TUB: variants seen among roughly 807,000 people sequenced by gnomAD.
The protein encoded by TUB is tubby protein homolog.
A neutral mutation model predicts 59.7 loss-of-function variants in TUB; 33 were observed. The observed-to-expected ratio is 0.55, with a 90% confidence interval of 0.42 to 0.74. The LOEUF (loss-of-function observed/expected upper bound fraction) is 0.74. Ranked by LOEUF, TUB falls within the 30% of genes least tolerant of loss-of-function variation. The pLI, the probability that TUB is intolerant of heterozygous loss-of-function variation, is 0.00. For synonymous variants in TUB, 293 were observed against 256.4 expected (o/e 1.14, Z -1.36); for missense variants, 659 against 672.0 (o/e 0.98, Z 0.21).
At chr11:8,034,713 A>G (rs545004218), upstream of TUB, among the ~76,000 whole-genome samples, 1 of 152,278 alleles carries the variant, frequency 6.6e-6, no homozygotes, top group Non-Finnish European at 1.5e-5. Context: ...GCTCCCAGTC[A>G]TGCAAACTTG....
intron 6 of TUB, 64 bp downstream of exon 6, chr11:8,096,870 T>C: frequency 1.3e-6 from 2 of 1,579,320 alleles, no homozygotes; most frequent in Non-Finnish European, 1.7e-6. Flanking sequence ...AGAGGTGGAC[T>C]GCATGTGAAG....
chr11:8,053,587 G>A (rs1298001553), intron 2 of TUB, among the ~76,000 whole-genome samples: 3 of 151,490 alleles, frequency 2.0e-5, no homozygotes, highest in Non-Finnish European at 4.4e-5. Context: ...TGCAAGCTCC[G>A]CCTCCTGAGT....
chr11:8,100,101 G>A (rs1437650936), intron 9 of TUB, among the ~76,000 whole-genome samples: 1 of 152,186 alleles, frequency 6.6e-6, no homozygotes, highest in Non-Finnish European at 1.5e-5. Flanking sequence ...GAAACCAGGA[G>A]TCCAGGCAAA....
intron 1 of TUB, among the ~76,000 whole-genome samples, chr11:8,026,769 C>T (rs1176034332): frequency 6.6e-6 from 1 of 152,130 alleles, no homozygotes; most frequent in Admixed American, 6.5e-5. Context: ...ATCAGTTTTT[C>T]AAGTTCTAAC....
chr11:8,095,772 A>C (rs1943965718), intron 5 of TUB, 107 bp downstream of exon 5: 14 of 1,242,700 alleles, frequency 1.1e-5, no homozygotes, highest in Non-Finnish European at 1.6e-5. Context: ...CCTCCCTGGC[A>C]ATGGTGGGTG....
intron 2 of TUB, among the ~76,000 whole-genome samples, chr11:8,070,316 ATCT>A (rs1434156249): frequency 5.3e-5 from 8 of 152,158 alleles, no homozygotes; most frequent in Middle Eastern, 3.4e-3. Flanking sequence ...GCATTTTATA[ATCT>A]TCTTTATATG....
In TUB at chr11:8,032,125, C is replaced by CGCCTGGGGAAAG. The variant is rs1361374483; in HGVS notation, c.56+12783_56+12794dup. Among the ~76,000 whole-genome samples the CGCCTGGGGAAAG allele has an allele frequency of 6.6e-5, 10 of 151,718 alleles. No homozygotes were observed. In the South Asian group the frequency reaches 8.3e-4, roughly 13 times the overall value. ...GTCCCGCCTGGGGAAAGGCCGGGAG[C>CGCCTGGGGAAAG]GCCTGGGGAAAGGCCTGGGGAAAGG... is the stretch of plus-strand genomic sequence containing the variant. On this transcript the variant is annotated intron_variant, in intron 1 of 11. Transcript: ENST00000534099.
intron 2 of TUB, among the ~76,000 whole-genome samples, chr11:8,063,991 C>T (rs1455982666): frequency 6.6e-6 from 1 of 152,126 alleles, no homozygotes; most frequent in Non-Finnish European, 1.5e-5. Context: ...CTCTGAAGGA[C>T]TTTGAGAACC....
upstream of TUB, chr11:8,076,415 C>G (rs1259851943): frequency 6.6e-6 from 1 of 152,246 alleles, no homozygotes; most frequent in African/African-American, 2.4e-5. Flanking sequence ...GAAATTCATT[C>G]TAAACCTCCA....
chr11:8,092,105 C>T (rs867815550), intron 3 of TUB, among the ~76,000 whole-genome samples: 1 of 152,226 alleles, frequency 6.6e-6, no homozygotes, highest in Non-Finnish European at 1.5e-5. Flanking sequence ...ATCAGAAAGA[C>T]TGTGGTACAA....
At chr11:8,067,450 A>G (rs529556924) in intron 2 of TUB, 6 of 152,322 alleles carry the variant, frequency 3.9e-5, no homozygotes, top group African/African-American at 1.4e-4. Context: ...ATGGGACCCT[A>G]TATGCTGTTA....
At chr11:8,072,301 G>C (rs1048069428) in intron 2 of TUB, among the ~76,000 whole-genome samples, 6 of 152,144 alleles carry the variant, frequency 3.9e-5, no homozygotes, top group African/African-American at 1.2e-4. Context: ...AGAGGGGGAA[G>C]GGACCCTCTC....
At position 8,104,443 on chromosome 11, in the gene TUB, CGTCTGTGT is replaced by C. The variant is rs1295159305; in HGVS notation, c.*2827_*2834del. ...CCGTCTGTGTATGTGTGTGTCTGTG[CGTCTGTGT>C]GTTTATTTGGGGAAAAGGGCAATCA... On this transcript the variant is annotated 3_prime_UTR_variant, in exon 12 of 12. Coordinates refer to ENST00000299506, the MANE Select transcript of TUB (RefSeq NM_177972.3). 1.3e-5 allele frequency: 2 copies of C among 152,118 alleles called. No individual in the cohort carries two copies. The highest frequency in any genetic ancestry group is 1.5e-5 in the Non-Finnish European group (1 of 68,016). The allele number at this position is 152,118 out of a possible 1,614,324, so 9.4% of individuals were successfully genotyped here.
At chr11:8,082,442 C>A (rs566051321) in intron 1 of TUB, among the ~76,000 whole-genome samples, 1 of 152,210 alleles carries the variant, frequency 6.6e-6, no homozygotes, top group Non-Finnish European at 1.5e-5. Flanking sequence ...CATTCTATTA[C>A]CAGGGAAGGG....
At position 8,095,481 on chromosome 11, in the gene TUB, G is replaced by A. The variant is rs368232235; in HGVS notation, c.398-17G>A. On this transcript the variant is annotated splice_polypyrimidine_tract_variant and intron_variant, in intron 4 of 11. Transcript: ENST00000299506. Reference sequence around the variant, plus strand: ...TCCTCCTCCTGGATGTAACTCAGGCGTGTCCGTGGCCTGCAGGCACCAGCG... The same window carrying A: ...TCCTCCTCCTGGATGTAACTCAGGCATGTCCGTGGCCTGCAGGCACCAGCG... 4.9e-5 allele frequency: 79 copies of A among 1,598,216 alleles called. No homozygotes were observed. The highest frequency in any genetic ancestry group is 2.0e-4 in the Middle Eastern group (1 of 5,016).
In TUB at chr11:8,096,748, C is replaced by T; in HGVS notation, c.629C>T (p.Ser210Phe). ...EEDEEENSSS[S>F]SQLNSNTRPS... is the part of the protein sequence containing the mutation. Reference sequence around the variant, plus strand: ...GATGAGGAGGAGAATAGCTCCAGCTCCTCCCAGCTAAATAGTAACACCCGC... The same window carrying T: ...GATGAGGAGGAGAATAGCTCCAGCTTCTCCCAGCTAAATAGTAACACCCGC... Residue 210 changes from serine (S) to phenylalanine (F), a missense_variant, in exon 6 of 12, where the codon TCC becomes TTC. Transcript: ENST00000299506. 1.2e-6 allele frequency: 2 copies of T among 1,614,124 alleles called. No individual in the cohort carries two copies. The highest frequency in any genetic ancestry group is 1.7e-6 in the Non-Finnish European group (2 of 1,180,000).
At chr11:8,100,478 G>A (rs551785996) in intron 9 of TUB, 25 bp from the exon 10 acceptor site, 25 of 1,596,278 alleles carry the variant, frequency 1.6e-5, no homozygotes, top group Middle Eastern at 1.7e-4. Flanking sequence ...GCCTCAGGTG[G>A]CCAGTGTTGC....
intron 2 of TUB, chr11:8,062,345 C>G (rs925430100): frequency 3.9e-5 from 6 of 152,644 alleles, no homozygotes; most frequent in Admixed American, 6.5e-5. Context: ...CGTGGGGAAC[C>G]AGAAAGCTTG....
chr11:8,098,985 G>C, intron 9 of TUB, 110 bp downstream of exon 9: 1 of 818,906 alleles, frequency 1.2e-6, no homozygotes, highest in Non-Finnish European at 2.1e-6. Context: ...ACAAGGCTGT[G>C]TGGAGAGGGG....
Sources: allele counts gnomAD v4.1 joint callset (sites outside exome capture counted in the v4.1 genomes callset), GRCh38; gene constraint gnomAD v4.1.1; transcripts MANE v1.5; gene names NCBI Gene and HGNC (gene_info 2026-07-23, HGNC 2026-07-21).